TNRC6A: variants seen among roughly 807,000 people sequenced by gnomAD.
The protein encoded by TNRC6A is trinucleotide repeat-containing gene 6A protein.
Under a neutral mutation model 221.2 loss-of-function variants are expected in TNRC6A, and 44 were observed. The ratio of observed to expected loss-of-function variants is 0.20; its 90% CI spans 0.16 to 0.26. The LOEUF (loss-of-function observed/expected upper bound fraction) is 0.26. Ranked by LOEUF, TNRC6A falls within the 10% of genes least tolerant of loss-of-function variation. TNRC6A has a pLI of 1.00. For synonymous variants in TNRC6A, 847 were observed against 838.5 expected, an observed-to-expected ratio of 1.01 and a Z score of -0.18; for missense variants, 2,199 against 2,404.4, an observed-to-expected ratio of 0.91 and a Z score of 1.79.
At chr16:24,801,533 C>CT (rs34391039) in intron 11 of TNRC6A, among the ~76,000 whole-genome samples, 25,638 of 121,526 alleles carry the variant, frequency 0.21, 2,901 homozygotes, top group Middle Eastern at 0.32. Flanking sequence ...ATGCTACTCT[C>CT]TTTTTTTTTT....
rs2058178622 is a variant in TNRC6A, at chr16:24,794,545, G to C, written c.3354G>C (p.Gly1118=). 4 of 1,607,344 alleles carry C rather than the reference G, an allele frequency of 2.5e-6. No homozygotes were observed. Among genetic ancestry groups the C allele is most frequent in the African/African-American group, 2.7e-5 (2 of 74,620 alleles). The change falls in exon 8 of 25, where the codon GGG becomes GGC. Residue 1118 remains glycine (G), a splice_region_variant and synonymous_variant. Coordinates refer to ENST00000395799, the MANE Select transcript of TNRC6A (RefSeq NM_014494.4). ...TTTATATCACAAATCCACAATCAGG[G>C]CCAAAATCTATGCAAGATGGCTGGT... The part of the protein sequence containing the change: ...SVGPQALSKS[G]PKSMQDGWCG...
At chr16:24,781,276 C>G (rs2057840030) in intron 5 of TNRC6A, among the ~76,000 whole-genome samples, 1 of 151,846 alleles carries the variant, frequency 6.6e-6, no homozygotes, top group African/African-American at 2.4e-5. Flanking sequence ...CTAGGCCAGT[C>G]TTGAACTCCT....
Position 24,638,433 on chromosome 16 carries a change from A to G in TNRC6A, n.277-2451A>G, listed in dbSNP as rs528770453. ...CCCTGTCTCAAAAAACAGAAACAGGATGGGCACGGTGGCTCATGACTGTAA... is the reference window on the plus strand; with the variant it reads ...CCCTGTCTCAAAAAACAGAAACAGGGTGGGCACGGTGGCTCATGACTGTAA... On this transcript the variant is annotated intron_variant and non_coding_transcript_variant, in intron 1 of 2. Transcript: ENST00000566108. 1.9e-4 allele frequency among the ~76,000 whole-genome samples: 28 copies of G among 150,542 alleles called. No individual in the cohort carries two copies. In the South Asian group the frequency reaches 5.5e-3, roughly 29 times the overall value.
intron 2 of TNRC6A, among the ~76,000 whole-genome samples, chr16:24,672,769 C>T (rs905835059): frequency 1.1e-5 from 1 of 90,794 alleles, no homozygotes; most frequent in African/African-American, 6.3e-5. Context: ...ATGATACAGG[C>T]TGAAGTATTT....
intron 4 of TNRC6A, among the ~76,000 whole-genome samples, chr16:24,772,048 A>G (rs1400870403): frequency 1.3e-5 from 2 of 152,202 alleles, no homozygotes; most frequent in Non-Finnish European, 2.9e-5. Context: ...AGCCCAAAAT[A>G]TTTACTCTCT....
intron 2 of TNRC6A, 41 bp from the exon 3 acceptor site, chr16:24,750,685 T>TG (rs1169752624): frequency 3.4e-6 from 5 of 1,490,470 alleles, no homozygotes; most frequent in Non-Finnish European, 4.5e-6. Context: ...TTTTATTTCT[T>TG]AATACATTTT....
intron 10 of TNRC6A, 77 bp downstream of exon 10, chr16:24,797,647 A>G (rs974756911): frequency 1.6e-6 from 2 of 1,268,618 alleles, no homozygotes; most frequent in Non-Finnish European, 2.2e-6. Flanking sequence ...TCTTTTTAAG[A>G]ATTATTTTTC....
chr16:24,791,317 A>T lies in TNRC6A; in HGVS notation c.2675A>T (p.Lys892Ile). The T allele has an allele frequency of 6.2e-7, 1 of 1,608,764 alleles. No individual in the cohort carries two copies. Among genetic ancestry groups the T allele is most frequent in the Non-Finnish European group, 8.5e-7 (1 of 1,177,152 alleles). ...GTTTCCGGTTGGAACGAACTTGGTA[A>T]AACTAGTTCTTTCACTTGGGGAAAC... ...RSVSGWNELG[K>I]TSSFTWGNNI... The change falls in exon 6 of 25, where the codon AAA (lysine) becomes ATA (isoleucine). Residue 892 changes from lysine (K) to isoleucine (I), a missense_variant. Lys to Ile is a moderately radical substitution (Grantham distance 102, BLOSUM62 -3). Around this residue, in one of 8 missense-constraint regions of TNRC6A, gnomAD observed 1,405 missense variants for 1,400.2 expected, o/e 1.00. Transcript: ENST00000395799.
chr16:24,804,952 T>C (rs545226372), intron 13 of TNRC6A, 62 bp from the exon 14 acceptor site: 2 of 1,614,022 alleles, frequency 1.2e-6, no homozygotes, highest in East Asian at 2.2e-5. Flanking sequence ...TAGTACAGTG[T>C]GGTAATGAGA....
At chr16:24,663,888 C>T (rs1258800838) in intron 2 of TNRC6A, 1 of 456,306 alleles carries the variant, frequency 2.2e-6, no homozygotes, top group Non-Finnish European at 4.4e-6. Context: ...TACAGAAGCC[C>T]TCTTATCAGG....
rs2058458104 is a variant in TNRC6A, at chr16:24,807,471, A to T, written c.4540+687A>T. Among the ~76,000 whole-genome samples the T allele has an allele frequency of 2.0e-5, 3 of 152,212 alleles. No homozygotes were observed. In the South Asian group the frequency reaches 6.2e-4, roughly 32 times the overall value. On this transcript the variant is annotated intron_variant, in intron 17 of 24. Transcript: ENST00000395799. Reference sequence around the variant, plus strand: ...GAAACAGTACACCAGAGAATTTTTGAGCAGTGCTGTTTTGGTGAAACAGCT... The same window carrying T: ...GAAACAGTACACCAGAGAATTTTTGTGCAGTGCTGTTTTGGTGAAACAGCT...
At chr16:24,707,675 C>T (rs67799000) in intron 2 of TNRC6A, among the ~76,000 whole-genome samples, 39,157 of 152,056 alleles carry the variant, frequency 0.26, 8,332 homozygotes, top group East Asian at 0.72. Flanking sequence ...CTCATAAATA[C>T]ATAAAAACAC....
intron 4 of TNRC6A, among the ~76,000 whole-genome samples, chr16:24,775,148 G>A (rs1363010662): frequency 6.6e-6 from 1 of 152,042 alleles, no homozygotes; most frequent in Non-Finnish European, 1.5e-5. Context: ...GCTTATTACT[G>A]CATGAGGTAC....
chr16:24,648,348 T>C (rs1265880533), intron 2 of TNRC6A, among the ~76,000 whole-genome samples: 1 of 139,160 alleles, frequency 7.2e-6, no homozygotes, highest in Non-Finnish European at 1.5e-5. Flanking sequence ...CTTGGCTCAC[T>C]GCAACCTCCA....
intron 8 of TNRC6A, 85 bp from the exon 9 acceptor site, chr16:24,795,822 G>A (rs949731075): frequency 7.5e-7 from 1 of 1,333,544 alleles, no homozygotes; most frequent in East Asian, 2.4e-5. Context: ...GACAGAGTAA[G>A]GACTTAAGTT....
At chr16:24,616,203 G>A (rs1015178193) in intron 1 of TNRC6A, among the ~76,000 whole-genome samples, 5 of 151,642 alleles carry the variant, frequency 3.3e-5, no homozygotes, top group Middle Eastern at 6.4e-3. Flanking sequence ...GTGGACACCT[G>A]TAATCCCAGC....
intron 23 of TNRC6A, 140 bp from the exon 24 acceptor site, chr16:24,822,734 A>G (rs1377861228): frequency 8.3e-7 from 1 of 1,199,216 alleles, no homozygotes; most frequent in Non-Finnish European, 1.2e-6. Context: ...CGTCAGAGCA[A>G]CGTCAGAGTG....
At chr16:24,660,973 C>CCAT (rs2055021914) in intron 2 of TNRC6A, among the ~76,000 whole-genome samples, 2 of 151,960 alleles carry the variant, frequency 1.3e-5, no homozygotes, top group Non-Finnish European at 2.9e-5. Context: ...GATCTCCTGA[C>CCAT]CTCGTGATCC....
intron 15 of TNRC6A, among the ~76,000 whole-genome samples, chr16:24,805,984 G>A (rs2058423836): frequency 6.6e-6 from 1 of 152,154 alleles, no homozygotes; most frequent in African/African-American, 2.4e-5. Flanking sequence ...ATTAGGAAAA[G>A]TTTCTCTGTT....
Sources: allele counts gnomAD v4.1 joint callset (sites outside exome capture counted in the v4.1 genomes callset), GRCh38; gene constraint gnomAD v4.1.1; regional missense constraint gnomAD v4.1.1; transcripts MANE v1.5; gene names NCBI Gene and HGNC (gene_info 2026-07-23, HGNC 2026-07-21).